The following SPOP variants were observed in gnomAD, a reference collection of about 807,000 sequenced individuals.
SPOP encodes speckle-type POZ protein.
SPOP carries 11 observed loss-of-function variants against 45.6 expected under a neutral mutation model. The ratio of observed to expected loss-of-function variants is 0.24; its 90% confidence interval spans 0.15 to 0.40. SPOP has a LOEUF of 0.40. SPOP is among the 10% of genes least tolerant of loss of function. The pLI, the probability that SPOP is intolerant of heterozygous loss-of-function variation, is 1.00. For synonymous variants in SPOP, 166 were observed against 166.3 expected (o/e 1.00, Z 0.01); for missense variants, 152 against 465.6 (o/e 0.33, Z 6.20).
At chr17:49,669,280 T>C (rs1468502770) in intron 1 of SPOP, among the ~76,000 whole-genome samples, 4 of 147,390 alleles carry the variant, frequency 2.7e-5, no homozygotes, top group Non-Finnish European at 6.0e-5. Flanking sequence ...TTGGCCAGGC[T>C]GGTCTTGAAC....
At chr17:49,656,130 T>C (rs987925278) in intron 1 of SPOP, among the ~76,000 whole-genome samples, 26 of 152,156 alleles carry the variant, frequency 1.7e-4, no homozygotes, top group African/African-American at 6.3e-4. Flanking sequence ...TTAAAAGTTA[T>C]GTAATAATCT....
intron 1 of SPOP, among the ~76,000 whole-genome samples, chr17:49,651,310 C>A (rs1257005490): frequency 6.6e-6 from 1 of 152,168 alleles, no homozygotes; most frequent in African/African-American, 2.4e-5. Flanking sequence ...AAAACACACA[C>A]AAAATTGACT....
intron 1 of SPOP, among the ~76,000 whole-genome samples, chr17:49,670,642 T>C (rs947482809): frequency 6.6e-6 from 1 of 152,220 alleles, no homozygotes; most frequent in Non-Finnish European, 1.5e-5. Flanking sequence ...TTCTGCTGTA[T>C]CTTTCATTTG....
chr17:49,664,688 C>T (rs894597722), intron 1 of SPOP, among the ~76,000 whole-genome samples: 4 of 152,182 alleles, frequency 2.6e-5, no homozygotes, highest in Admixed American at 6.5e-5. Flanking sequence ...CTCCCACTTC[C>T]TCACCCGCAA....
chr17:49,607,591 C>T (rs977944181), intron 7 of SPOP, among the ~76,000 whole-genome samples: 5 of 152,100 alleles, frequency 3.3e-5, no homozygotes, highest in African/African-American at 1.2e-4. Context: ...AACAACTCTT[C>T]GATTTTTTCA....
rs776756750 is a variant in SPOP, at chr17:49,599,700, C to T, written c.*678G>A. The stretch of plus-strand genomic sequence containing the variant: ...AAGATTTTTGCAAAAGCCACCACAT[C>T]AGAACACTCATCTTCCAGATCAAAT... On this transcript the variant is annotated 3_prime_UTR_variant, in exon 10 of 10. Transcript: ENST00000504102. 22 of 207,078 alleles carry T rather than the reference C, an allele frequency of 1.1e-4. No individual in the cohort carries two copies. Among genetic ancestry groups the T allele is most frequent in the Non-Finnish European group, 9.9e-6 (1 of 101,352 alleles). 12.8% of individuals were successfully genotyped at this position (207,078 alleles called of 1,614,324 possible).
At position 49,599,504 on chromosome 17, in the gene SPOP, G is replaced by GTT. The variant is rs1316656577; in HGVS notation, c.*873_*874insAA. On this transcript the variant is annotated 3_prime_UTR_variant, in exon 10 of 10. Transcript: ENST00000504102. ...TTCTTTTGTTCTGTTTTTGTTTTGT[G>GTT]TGTTTTTTTTTTTGTTTGTTTTTTA... 13 of 157,068 alleles carry GTT rather than the reference G, an allele frequency of 8.3e-5. No homozygotes were observed. Among genetic ancestry groups the GTT allele is most frequent in the Middle Eastern group, 1.8e-3 (1 of 542 alleles). 9.7% of individuals were successfully genotyped at this position (157,068 alleles called of 1,614,324 possible). A position where few individuals can be genotyped will look rare whatever the true frequency, so the allele number is the denominator to read the frequency against.
At chr17:49,639,945 A>G (rs1480664259) in intron 1 of SPOP, among the ~76,000 whole-genome samples, 1 of 152,128 alleles carries the variant, frequency 6.6e-6, no homozygotes, top group African/African-American at 2.4e-5. Context: ...TTTTTCTGTT[A>G]TATTTCATAA....
chr17:49,615,519 AACAG>A (rs1183154266), intron 5 of SPOP, among the ~76,000 whole-genome samples: 1 of 151,940 alleles, frequency 6.6e-6, no homozygotes, highest in African/African-American at 2.4e-5. Flanking sequence ...TTTATTTTTT[AACAG>A]ACAGGGACTA....
At chr17:49,674,157 T>C (rs548775519) in intron 1 of SPOP, among the ~76,000 whole-genome samples, 1 of 151,860 alleles carries the variant, frequency 6.6e-6, no homozygotes, top group Non-Finnish European at 1.5e-5. Flanking sequence ...CAAAAAAAAA[T>C]AAATAAATAA....
chr17:49,664,684 C>T lies in SPOP; in HGVS notation c.-67+13249G>A, dbSNP rs576010032. Among the ~76,000 whole-genome samples the T allele has an allele frequency of 2.0e-5, 3 of 152,326 alleles. 1 individual carries two copies. In the South Asian group the frequency reaches 6.2e-4, roughly 32 times the overall value. On this transcript the variant is annotated intron_variant, in intron 1 of 9. Coordinates refer to ENST00000504102, the MANE Select transcript of SPOP (RefSeq NM_001007228.2). ...GCTCTGTTTGTACCAAAATCTCCCACTTCCTCACCCGCAACTGAAGTTGAA... is the reference window on the plus strand; with the variant it reads ...GCTCTGTTTGTACCAAAATCTCCCATTTCCTCACCCGCAACTGAAGTTGAA...
chr17:49,638,947 C>T (rs909692686), intron 1 of SPOP, among the ~76,000 whole-genome samples: 4 of 152,196 alleles, frequency 2.6e-5, no homozygotes, highest in African/African-American at 7.2e-5. Flanking sequence ...TGGGAGGTGG[C>T]AGTTGTAGTG....
At chr17:49,663,158 G>C (rs1214343928) in intron 1 of SPOP, among the ~76,000 whole-genome samples, 2 of 152,198 alleles carry the variant, frequency 1.3e-5, no homozygotes, top group African/African-American at 4.8e-5. Flanking sequence ...AGAGGTGGAC[G>C]GGCGAGCAAG....
At chr17:49,639,207 T>C (rs946571843) in intron 1 of SPOP, among the ~76,000 whole-genome samples, 2 of 152,136 alleles carry the variant, frequency 1.3e-5, no homozygotes, top group African/African-American at 4.8e-5. Context: ...ACCAATACCT[T>C]TAGTCCCTTA....
At chr17:49,627,613 T>C (rs1014203675) in intron 1 of SPOP, among the ~76,000 whole-genome samples, 1 of 152,202 alleles carries the variant, frequency 6.6e-6, no homozygotes, top group African/African-American at 2.4e-5. Context: ...AACTTCAAAC[T>C]GATCTAACAA....
chr17:49,637,656 C>A (rs537339380), intron 1 of SPOP, among the ~76,000 whole-genome samples: 1 of 152,164 alleles, frequency 6.6e-6, no homozygotes, highest in South Asian at 2.1e-4. Context: ...CAGCCCCAAG[C>A]TAGTTCTTCT....
intron 1 of SPOP, among the ~76,000 whole-genome samples, chr17:49,639,202 T>C (rs913793579): frequency 3.3e-5 from 5 of 152,072 alleles, no homozygotes; most frequent in Non-Finnish European, 7.4e-5. Flanking sequence ...CAGAAACCAA[T>C]ACCTTTAGTC....
chr17:49,600,924 C>T lies in SPOP; in HGVS notation c.981-402G>A, dbSNP rs2143102778. On this transcript the variant is annotated intron_variant, in intron 9 of 9. Transcript: ENST00000504102. The surrounding 1 kb of genome is among the most constrained non-coding windows in gnomAD (Gnocchi z 4.2). ...CCACAGGGCAGATCAGAGCCTGGGG[C>T]CTACTTGATTATCAAAAAAGAGGGG... The T allele has an allele frequency of 5.8e-6, 1 of 173,662 alleles. No individual in the cohort carries two copies. The highest frequency in any genetic ancestry group is 1.3e-5 in the Non-Finnish European group (1 of 79,860). 10.8% of individuals were successfully genotyped at this position (173,662 alleles called of 1,614,324 possible).
intron 1 of SPOP, among the ~76,000 whole-genome samples, chr17:49,662,849 C>A (rs2073007172): frequency 6.6e-6 from 1 of 152,146 alleles, no homozygotes; most frequent in Admixed American, 6.5e-5. Flanking sequence ...TCAGGAAACA[C>A]CTGTACTTCA....
Sources: gnomAD v4.1 joint callset for allele counts (sites outside exome capture counted in the v4.1 genomes callset) on GRCh38, gnomAD v4.1.1 for gene constraint, Gnocchi (gnomAD v3.1) non-coding constraint, MANE v1.5 for transcripts, NCBI Gene and HGNC (gene_info 2026-07-23, HGNC 2026-07-21) for gene names.